The following MNDA variants were observed in gnomAD, a reference collection of about 807,000 sequenced individuals.
The protein encoded by MNDA is epididymis secretory sperm binding protein.
MNDA carries 43 observed loss-of-function variants against 37.8 expected under a neutral mutation model. The observed-to-expected ratio is 1.14, with a 90% CI of 0.89 to 1.47. The LOEUF (loss-of-function observed/expected upper bound fraction) is 1.47, where lower values mean the gene tolerates loss of function less well. Among genes scored for constraint, MNDA ranks in the 40% most tolerant of loss-of-function variants. The probability of loss-of-function intolerance (pLI) is 0.00; values close to 1 mark genes in which losing one functional copy is unlikely to be tolerated. For synonymous variants in MNDA, 181 were observed against 169.0 expected, an observed-to-expected ratio of 1.07 and a Z score of -0.55; for missense variants, 536 against 476.0, an observed-to-expected ratio of 1.13 and a Z score of -1.17.
chr1:158,849,051 C>A (rs1659198438), intron 6 of MNDA, 139 bp from the exon 7 acceptor site: 2 of 496,666 alleles, frequency 4.0e-6, no homozygotes, highest in Non-Finnish European at 7.0e-6. Context: ...AACTTTGTGA[C>A]TAACGAGCTT....
At position 158,842,310 on chromosome 1, in the gene MNDA, GAAAA is replaced by G. The variant is rs750084919; in HGVS notation, c.161_164del (p.Lys54SerfsTer8). On this transcript the variant is annotated frameshift_variant, in exon 2 of 7. Transcript: ENST00000368141. LOFTEE classifies it high-confidence loss of function. ...CAGAATTAAGATTACAGATTTGATG[GAAAA>G]AAAGTTCCAAGGCGTTGCCTGTCTA... 2.9e-5 allele frequency: 47 copies of G among 1,613,918 alleles called. No individual in the cohort carries two copies. The highest frequency in any genetic ancestry group is 3.8e-5 in the Non-Finnish European group (45 of 1,179,988).
chr1:158,842,136 C>A lies in MNDA; in HGVS notation c.-18C>A. ...TGTGTGTCATTTTTACTTTATAGGC[C>A]AAGCTATAACATCAGAAATGGTGAA... is the stretch of plus-strand genomic sequence containing the variant. On this transcript the variant is annotated splice_region_variant and 5_prime_UTR_variant, in exon 2 of 7. Transcript: ENST00000368141. The A allele has an allele frequency of 6.3e-7, 1 of 1,588,024 alleles. No homozygotes were observed. The highest frequency in any genetic ancestry group is 2.2e-5 in the East Asian group (1 of 44,608).
In MNDA at chr1:158,849,370, T is replaced by C; in HGVS notation, c.*133T>C. 3 of 666,318 alleles carry C rather than the reference T, an allele frequency of 4.5e-6. No homozygotes were observed. The highest frequency in any genetic ancestry group is 7.0e-6 in the Non-Finnish European group (3 of 426,466). 41.3% of individuals were successfully genotyped at this position (666,318 alleles called of 1,614,324 possible). ...ATATATTCTAGCATATTAAGAGCTTTTATAACTGAGTTATAGATTAGTTTG... is the reference window on the plus strand; with the variant it reads ...ATATATTCTAGCATATTAAGAGCTTCTATAACTGAGTTATAGATTAGTTTG... On this transcript the variant is annotated 3_prime_UTR_variant, in exon 7 of 7. Transcript: ENST00000368141.
In MNDA at chr1:158,831,530, G is replaced by A. The variant is rs866060489; in HGVS notation, c.-48G>A. The A allele has an allele frequency of 2.0e-5, 3 of 152,266 alleles. No individual in the cohort carries two copies. Among genetic ancestry groups the A allele is most frequent in the African/African-American group, 7.2e-5 (3 of 41,556 alleles). 9.4% of individuals were successfully genotyped at this position (152,266 alleles called of 1,614,324 possible). On this transcript the variant is annotated 5_prime_UTR_variant, in exon 1 of 7. Transcript: ENST00000368141. ...AGACAGTGACTCCAGGATTTCTGAA[G>A]ACTATTGTGGAAGAAGCATCCATTA...
At chr1:158,842,046 C>T in intron 1 of MNDA, 88 bp from the exon 2 acceptor site, 2 of 1,184,224 alleles carry the variant, frequency 1.7e-6, no homozygotes, top group Non-Finnish European at 2.4e-6. Flanking sequence ...AACATTTTGG[C>T]CTGGGACACT....
chr1:158,835,751 G>A (rs1174686583), intron 1 of MNDA, among the ~76,000 whole-genome samples: 1 of 151,910 alleles, frequency 6.6e-6, no homozygotes, highest in Non-Finnish European at 1.5e-5. Context: ...AATAATGTTA[G>A]CTATGGTGTT....
At chr1:158,848,468 A>G (rs1659184772) in intron 6 of MNDA, among the ~76,000 whole-genome samples, 1 of 152,142 alleles carries the variant, frequency 6.6e-6, no homozygotes, top group African/African-American at 2.4e-5. Flanking sequence ...ACATAGCGTA[A>G]TGAGTTCTGT....
chr1:158,842,500 G>A lies in MNDA; in HGVS notation c.265+82G>A, dbSNP rs553073821. 4.9e-6 allele frequency: 7 copies of A among 1,434,480 alleles called. No homozygotes were observed. The African/African-American group carries it at 8.6e-5, about 18-fold the overall frequency. The allele number at this position is 1,434,480 out of a possible 1,614,324, so 88.9% of individuals were successfully genotyped here. On this transcript the variant is annotated intron_variant, in intron 2 of 6. Coordinates refer to ENST00000368141, the MANE Select transcript of MNDA (RefSeq NM_002432.3). ...TAGAACCCCACCTTGGTCATAGCTG[G>A]TACATCCCTTTTCCAATTTATAACT...
At chr1:158,836,968 ATTGT>A (rs1448153251) in intron 1 of MNDA, among the ~76,000 whole-genome samples, 4 of 151,608 alleles carry the variant, frequency 2.6e-5, no homozygotes, top group African/African-American at 9.7e-5. Flanking sequence ...TACATGTTTC[ATTGT>A]TTGTGTTGTT....
At chr1:158,843,040 T>A (rs1004229883) in intron 2 of MNDA, among the ~76,000 whole-genome samples, 8 of 152,178 alleles carry the variant, frequency 5.3e-5, no homozygotes, top group Admixed American at 2.6e-4. Context: ...AAAGGAAGCA[T>A]GTTCTCACTG....
chr1:158,843,739 C>A (rs1425013559), intron 3 of MNDA, among the ~76,000 whole-genome samples: 1 of 152,194 alleles, frequency 6.6e-6, no homozygotes. Context: ...AGTAATGCAT[C>A]TGTTGAAATC....
At chr1:158,835,172 C>G (rs935270306) in intron 1 of MNDA, among the ~76,000 whole-genome samples, 1 of 152,174 alleles carries the variant, frequency 6.6e-6, no homozygotes, top group Non-Finnish European at 1.5e-5. Context: ...TTTTGCATTA[C>G]AGATTACATT....
intron 1 of MNDA, among the ~76,000 whole-genome samples, chr1:158,838,257 T>G (rs1004326877): frequency 2.0e-5 from 3 of 152,052 alleles, no homozygotes; most frequent in African/African-American, 7.2e-5. Flanking sequence ...TTAGTATTTC[T>G]TTTAAGGTAG....
chr1:158,846,622 CA>C (rs371927647), intron 5 of MNDA, among the ~76,000 whole-genome samples: 21 of 148,332 alleles, frequency 1.4e-4, no homozygotes, highest in Middle Eastern at 3.5e-3. Context: ...ATACTATTTA[CA>C]AAAAAAAAAT....
At chr1:158,847,452 C>T (rs1659155836) in intron 5 of MNDA, among the ~76,000 whole-genome samples, 1 of 151,802 alleles carries the variant, frequency 6.6e-6, no homozygotes. Flanking sequence ...TATCTAGGTG[C>T]TTTATTTACT....
chr1:158,849,402 G>T lies in MNDA; in HGVS notation c.*165G>T. 10 of 519,664 alleles carry T rather than the reference G, an allele frequency of 1.9e-5. No homozygotes were observed. The highest frequency in any genetic ancestry group is 1.8e-4 in the South Asian group (4 of 21,690). 32.2% of individuals were successfully genotyped at this position (519,664 alleles called of 1,614,324 possible). ...TGAGTTATAGATTAGTTTGCTTTCT[G>T]GAATAAAATTTTCTTCTTATACTCT... On this transcript the variant is annotated 3_prime_UTR_variant, in exon 7 of 7. Transcript: ENST00000368141.
chr1:158,843,857 C>T (rs1242593113), intron 3 of MNDA, 98 bp from the exon 4 acceptor site: 20 of 1,099,880 alleles, frequency 1.8e-5, no homozygotes, highest in South Asian at 3.4e-5. Context: ...TCCCATCCAA[C>T]ATAAATAGAA....
chr1:158,849,474 C>CA lies in MNDA; in HGVS notation c.*243dup. ...TTTTGCTTTTATGACATTCACGAGGCAAAAAATAAAATATCTTTTTTTGAA... is the reference window on the plus strand; with the variant it reads ...TTTTGCTTTTATGACATTCACGAGGCAAAAAAATAAAATATCTTTTTTTGAA... On this transcript the variant is annotated 3_prime_UTR_variant, in exon 7 of 7. Transcript: ENST00000368141. The CA allele has an allele frequency of 2.3e-6, 1 of 432,986 alleles. No homozygotes were observed. Among genetic ancestry groups the CA allele is most frequent in the Non-Finnish European group, 4.2e-6 (1 of 240,576 alleles). 26.8% of individuals were successfully genotyped at this position (432,986 alleles called of 1,614,324 possible).
At position 158,842,213 on chromosome 1, in the gene MNDA, T is replaced by A; in HGVS notation, c.60T>A (p.Tyr20Ter). The A allele has an allele frequency of 1.2e-6, 2 of 1,613,966 alleles. No individual in the cohort carries two copies. The highest frequency in any genetic ancestry group is 1.7e-6 in the Non-Finnish European group (2 of 1,179,878). ...LLKGFELMDD[Y>*]HFTSIKSLLA... Reference sequence around the variant, plus strand: ...AAGGATTTGAGCTCATGGATGATTATCATTTTACATCAATTAAGTCCTTAC... The same window carrying A: ...AAGGATTTGAGCTCATGGATGATTAACATTTTACATCAATTAAGTCCTTAC... Residue 20 changes from tyrosine (Y) to a stop codon, truncating the protein, a stop_gained, in exon 2 of 7, where the codon TAT becomes TAA. Transcript: ENST00000368141. LOFTEE classifies it high-confidence loss of function.
Sources: gnomAD v4.1 joint callset for allele counts (sites outside exome capture counted in the v4.1 genomes callset) on GRCh38, gnomAD v4.1.1 for gene constraint, MANE v1.5 for transcripts, NCBI Gene and HGNC (gene_info 2026-07-23, HGNC 2026-07-21) for gene names.